Variants in NREP observed in about 807,000 individuals in gnomAD.
The protein encoded by NREP is neuronal regeneration-related protein.
Under a neutral mutation model 8.6 loss-of-function variants are expected in NREP, and 5 were observed. That is an observed-to-expected ratio of 0.58 (90% CI 0.30 to 1.22). The LOEUF (loss-of-function observed/expected upper bound fraction) is 1.22. Among genes scored for constraint, NREP ranks in the 50% most tolerant of loss-of-function variants. The probability of loss-of-function intolerance (pLI) is 0.07; values close to 1 mark genes in which losing one functional copy is unlikely to be tolerated. For missense variants in NREP, 86 were observed against 82.5 expected (o/e 1.04, Z -0.17); for synonymous variants, 27 against 28.0 (o/e 0.96, Z 0.11).
At chr5:111,954,451 T>G (rs531319825) in intron 2 of NREP, among the ~76,000 whole-genome samples, 1 of 152,186 alleles carries the variant, frequency 6.6e-6, no homozygotes, top group Non-Finnish European at 1.5e-5. Context: ...ATGTTTTGGT[T>G]TGATTTTTCT....
At chr5:111,929,329 G>C (rs1380082556) in intron 2 of NREP, among the ~76,000 whole-genome samples, 1 of 152,174 alleles carries the variant, frequency 6.6e-6, no homozygotes, top group African/African-American at 2.4e-5. Context: ...AGTATACTAA[G>C]GAATTTTGCC....
At chr5:111,894,726 A>G (rs1754467916) in intron 2 of NREP, among the ~76,000 whole-genome samples, 1 of 152,176 alleles carries the variant, frequency 6.6e-6, no homozygotes, top group African/African-American at 2.4e-5. Flanking sequence ...AGGCAATGAA[A>G]CCATGATTGT....
chr5:111,868,205 G>C (rs973474165), intron 2 of NREP, among the ~76,000 whole-genome samples: 2 of 152,156 alleles, frequency 1.3e-5, no homozygotes, highest in African/African-American at 4.8e-5. Flanking sequence ...GAGGATGTCA[G>C]TCTCCAGTGT....
At chr5:111,897,920 G>T (rs1396474024) in intron 2 of NREP, among the ~76,000 whole-genome samples, 1 of 152,020 alleles carries the variant, frequency 6.6e-6, no homozygotes, top group African/African-American at 2.4e-5. Flanking sequence ...TTCCTATACT[G>T]AATGTTTAAT....
At chr5:111,924,578 T>C (rs1014961002) in intron 2 of NREP, among the ~76,000 whole-genome samples, 5 of 152,160 alleles carry the variant, frequency 3.3e-5, no homozygotes, top group African/African-American at 1.2e-4. Flanking sequence ...ATGGCCTCAA[T>C]GAGGCAGAGG....
chr5:111,891,404 C>T (rs969074283), intron 2 of NREP, among the ~76,000 whole-genome samples: 3 of 152,190 alleles, frequency 2.0e-5, no homozygotes, highest in South Asian at 4.1e-4. Context: ...TTCAAATGTT[C>T]CCTCATCTGC....
chr5:111,786,989 A>G (rs1751627383), intron 2 of NREP, among the ~76,000 whole-genome samples: 1 of 152,230 alleles, frequency 6.6e-6, no homozygotes, highest in South Asian at 2.1e-4. Context: ...AACTATGTCC[A>G]GCAGAGCAAT....
chr5:111,763,136 G>C (rs1312958002), intron 2 of NREP, among the ~76,000 whole-genome samples: 1 of 152,206 alleles, frequency 6.6e-6, no homozygotes, highest in Non-Finnish European at 1.5e-5. Context: ...GCACAGATGA[G>C]AGATTCTCCC....
intron 2 of NREP, among the ~76,000 whole-genome samples, chr5:111,752,594 G>A (rs1296585513): frequency 6.6e-6 from 1 of 152,182 alleles, no homozygotes; most frequent in Non-Finnish European, 1.5e-5. Flanking sequence ...CTTCTTGTAA[G>A]CCCATGAATG....
chr5:111,888,162 T>G (rs1754306728), intron 2 of NREP, among the ~76,000 whole-genome samples: 1 of 152,232 alleles, frequency 6.6e-6, no homozygotes, highest in Non-Finnish European at 1.5e-5. Flanking sequence ...GAAGTCAGTC[T>G]CTTATCTTTT....
intron 2 of NREP, among the ~76,000 whole-genome samples, chr5:111,840,276 G>C (rs1289931938): frequency 6.6e-6 from 1 of 151,806 alleles, no homozygotes; most frequent in Non-Finnish European, 1.5e-5. Flanking sequence ...TGTATGCTCG[G>C]GATTTTTTTG....
chr5:111,950,368 C>G (rs369760094), intron 2 of NREP, among the ~76,000 whole-genome samples: 24 of 152,190 alleles, frequency 1.6e-4, no homozygotes, highest in African/African-American at 5.1e-4. Flanking sequence ...AACTGGACCC[C>G]TTCCTTAAAC....
At chr5:111,931,456 G>A (rs946163169) in intron 2 of NREP, among the ~76,000 whole-genome samples, 4 of 152,056 alleles carry the variant, frequency 2.6e-5, no homozygotes, top group Admixed American at 6.6e-5. Flanking sequence ...CCTGCCAATC[G>A]ATAGTAGGTC....
chr5:111,974,685 C>A (rs1365217630), intron 2 of NREP, among the ~76,000 whole-genome samples: 4 of 152,170 alleles, frequency 2.6e-5, no homozygotes. Flanking sequence ...ACTATAAGAA[C>A]TACTGCTGTT....
chr5:111,753,222 G>C (rs948138433), intron 2 of NREP, among the ~76,000 whole-genome samples: 1 of 151,636 alleles, frequency 6.6e-6, no homozygotes, highest in South Asian at 2.1e-4. Context: ...AACCCTAGGT[G>C]CCACCATGCA....
At chr5:111,922,890 G>C (rs1178247118) in intron 2 of NREP, among the ~76,000 whole-genome samples, 1 of 152,158 alleles carries the variant, frequency 6.6e-6, no homozygotes, top group Non-Finnish European at 1.5e-5. Flanking sequence ...GGGGCTTCAA[G>C]GGTGTTGGCA....
intron 2 of NREP, among the ~76,000 whole-genome samples, chr5:111,966,573 G>T (rs186956753): frequency 3.7e-4 from 56 of 152,098 alleles, no homozygotes; most frequent in African/African-American, 1.3e-3. Context: ...ATATAGATTT[G>T]ATAAGACAGG....
At chr5:111,825,807 A>T (rs1752608911) in intron 2 of NREP, among the ~76,000 whole-genome samples, 1 of 152,088 alleles carries the variant, frequency 6.6e-6, no homozygotes, top group African/African-American at 2.4e-5. Flanking sequence ...GCTTGTCAGG[A>T]GGTCTATTCT....
At chr5:111,888,138 A>G (rs1754306126) in intron 2 of NREP, among the ~76,000 whole-genome samples, 1 of 152,234 alleles carries the variant, frequency 6.6e-6, no homozygotes, top group African/African-American at 2.4e-5. Context: ...AAATGCTGTC[A>G]TGCTTTTAGG....
Sources: gnomAD v4.1 joint callset for allele counts (sites outside exome capture counted in the v4.1 genomes callset) on GRCh38, gnomAD v4.1.1 for gene constraint, MANE v1.5 for transcripts, NCBI Gene and HGNC (gene_info 2026-07-23, HGNC 2026-07-21) for gene names.